Variants in PDSS2 observed in about 807,000 individuals in gnomAD.
PDSS2 encodes the protein all trans-polyprenyl-diphosphate synthase PDSS2.
A neutral mutation model predicts 44.5 loss-of-function variants in PDSS2; 31 were observed. The ratio of observed to expected loss-of-function variants is 0.70; its 90% confidence interval spans 0.52 to 0.94. The LOEUF (loss-of-function observed/expected upper bound fraction) is 0.94, where lower values mean the gene tolerates loss of function less well. Among genes scored for constraint, PDSS2 ranks in the 40% least tolerant of loss-of-function variants. The probability of loss-of-function intolerance (pLI) is 0.00; values close to 1 mark genes in which losing one functional copy is unlikely to be tolerated. For missense variants in PDSS2, 452 were observed against 482.2 expected, an observed-to-expected ratio of 0.94 and a Z score of 0.59; for synonymous variants, 157 against 180.3, an observed-to-expected ratio of 0.87 and a Z score of 1.03.
chr6:107,340,974 G>A (rs987866991), intron 1 of PDSS2, among the ~76,000 whole-genome samples: 33 of 152,160 alleles, frequency 2.2e-4, no homozygotes, highest in African/African-American at 8.0e-4. Context: ...AATTCTGCAG[G>A]AAATCTGGAG....
At chr6:107,449,603 A>G (rs1230854552) in intron 1 of PDSS2, among the ~76,000 whole-genome samples, 1 of 152,184 alleles carries the variant, frequency 6.6e-6, no homozygotes, top group East Asian at 1.9e-4. Context: ...TATTTCACTC[A>G]GCATAATGTC....
chr6:107,203,536 C>T (rs1461071837), intron 6 of PDSS2, among the ~76,000 whole-genome samples: 2 of 152,124 alleles, frequency 1.3e-5, no homozygotes, highest in Non-Finnish European at 2.9e-5. Context: ...TTACCTCCCT[C>T]GCAGCTCAGA....
In PDSS2 at chr6:107,381,922, C is replaced by T. The variant is rs150363879; in HGVS notation, c.297-47590G>A. 3.2e-4 allele frequency among the ~76,000 whole-genome samples: 49 copies of T among 152,074 alleles called. 1 individual carries two copies. The highest frequency in any genetic ancestry group is 1.4e-3 in the Admixed American group (22 of 15,282). On this transcript the variant is annotated intron_variant, in intron 1 of 7. Coordinates refer to ENST00000369037, the MANE Select transcript of PDSS2 (RefSeq NM_020381.4). ...AGCTGCACAGTTTATACAAATTATT[C>T]GCAAAGGAAGATAGCAGAGAACTTA...
intron 4 of PDSS2, among the ~76,000 whole-genome samples, chr6:107,232,021 T>C (rs966435518): frequency 1.3e-5 from 2 of 152,126 alleles, no homozygotes; most frequent in Non-Finnish European, 2.9e-5. Flanking sequence ...CCAGCTCCTA[T>C]TGTACCTTTG....
chr6:107,308,434 T>C (rs1776932317), intron 2 of PDSS2, among the ~76,000 whole-genome samples: 1 of 152,234 alleles, frequency 6.6e-6, no homozygotes, highest in Admixed American at 6.5e-5. Flanking sequence ...TGAGTATGTA[T>C]TCTTTCTCTT....
At chr6:107,404,473 A>G (rs763756061) in intron 1 of PDSS2, among the ~76,000 whole-genome samples, 2 of 152,216 alleles carry the variant, frequency 1.3e-5, no homozygotes, top group Non-Finnish European at 2.9e-5. Flanking sequence ...TAATAAAGAC[A>G]TATCTGAGAC....
At chr6:107,273,111 A>G (rs1775659145) in intron 3 of PDSS2, among the ~76,000 whole-genome samples, 1 of 151,934 alleles carries the variant, frequency 6.6e-6, no homozygotes, top group African/African-American at 2.4e-5. Context: ...CAGCTTCCCA[A>G]GTAGCTGGGA....
intron 1 of PDSS2, among the ~76,000 whole-genome samples, chr6:107,400,752 G>A (rs1031737868): frequency 3.9e-5 from 6 of 152,114 alleles, no homozygotes; most frequent in African/African-American, 1.4e-4. Flanking sequence ...CTTGAAAACA[G>A]CCTTCTGACC....
chr6:107,424,496 C>T (rs1423585377), intron 1 of PDSS2, among the ~76,000 whole-genome samples: 4 of 152,242 alleles, frequency 2.6e-5, no homozygotes, highest in South Asian at 4.1e-4. Context: ...CACAAGTAAA[C>T]CTTTCAGTTC....
At chr6:107,405,884 T>C (rs977274367) in intron 1 of PDSS2, among the ~76,000 whole-genome samples, 26 of 147,682 alleles carry the variant, frequency 1.8e-4, no homozygotes, top group Admixed American at 4.0e-4. Context: ...AATGGTGGAA[T>C]AGATAAAACA....
At chr6:107,155,939 G>C (rs1271924485) in intron 7 of PDSS2, among the ~76,000 whole-genome samples, 7 of 137,758 alleles carry the variant, frequency 5.1e-5, no homozygotes, top group Non-Finnish European at 1.1e-4. Flanking sequence ...ATCCAGGCTG[G>C]AGTGCAGTGG....
chr6:107,292,969 G>A (rs1005573530), intron 2 of PDSS2, among the ~76,000 whole-genome samples: 8 of 152,216 alleles, frequency 5.3e-5, no homozygotes, highest in Non-Finnish European at 1.0e-4. Flanking sequence ...ACATCTGGGT[G>A]CGGCGGCTGT....
intron 2 of PDSS2, among the ~76,000 whole-genome samples, chr6:107,289,860 A>C (rs528606165): frequency 6.6e-6 from 1 of 152,210 alleles, no homozygotes; most frequent in East Asian, 1.9e-4. Context: ...AGGGAAAGTC[A>C]CTCAACTTCT....
At chr6:107,166,885 T>G (rs1269970983) in intron 7 of PDSS2, among the ~76,000 whole-genome samples, 2 of 152,190 alleles carry the variant, frequency 1.3e-5, no homozygotes, top group Admixed American at 1.3e-4. Context: ...TTGCCAGTAT[T>G]TTATTGAGGA....
intron 1 of PDSS2, among the ~76,000 whole-genome samples, chr6:107,413,960 T>G (rs1474540362): frequency 1.3e-5 from 2 of 150,022 alleles, no homozygotes; most frequent in African/African-American, 2.5e-5. Flanking sequence ...ATCACCTGGA[T>G]AGGCCTGCCA....
At position 107,154,130 on chromosome 6, in the gene PDSS2, ATTTTTC is replaced by A. The variant is rs1770801183; in HGVS notation, c.*483_*488del. 6 of 161,736 alleles carry A rather than the reference ATTTTTC, an allele frequency of 3.7e-5. No individual in the cohort carries two copies. In the South Asian group the frequency reaches 1.0e-3, roughly 28 times the overall value. 10.0% of individuals were successfully genotyped at this position (161,736 alleles called of 1,614,324 possible). On this transcript the variant is annotated 3_prime_UTR_variant, in exon 8 of 8. Coordinates refer to ENST00000369037, the MANE Select transcript of PDSS2 (RefSeq NM_020381.4). ...AATTACAAGCCAACAAATAAAACAT[ATTTTTC>A]TCAATCCATTGAACTACTCTCCATT...
chr6:107,271,249 T>C (rs1441316502), intron 3 of PDSS2, among the ~76,000 whole-genome samples: 1 of 150,560 alleles, frequency 6.6e-6, no homozygotes, highest in Admixed American at 6.6e-5. Context: ...TTATTAACTT[T>C]CTTAAGAAAA....
chr6:107,155,500 C>CT (rs112219632), intron 7 of PDSS2, among the ~76,000 whole-genome samples: 9 of 150,884 alleles, frequency 6.0e-5, no homozygotes, highest in African/African-American at 1.2e-4. Flanking sequence ...TAGTTAATAA[C>CT]TTTTTTTTTA....
intron 1 of PDSS2, among the ~76,000 whole-genome samples, chr6:107,438,022 G>T (rs1317553033): frequency 1.3e-5 from 2 of 152,128 alleles, no homozygotes; most frequent in African/African-American, 2.4e-5. Context: ...CCAGGGAAAG[G>T]TCGCATCCAG....
Sources: allele counts gnomAD v4.1 joint callset (sites outside exome capture counted in the v4.1 genomes callset), GRCh38; gene constraint gnomAD v4.1.1; transcripts MANE v1.5; gene names NCBI Gene and HGNC (gene_info 2026-07-23, HGNC 2026-07-21).